B3GALT1: variants seen among roughly 807,000 people sequenced by gnomAD.
B3GALT1 encodes UDP-Gal:betaGlcNAc beta 1,3-galactosyltransferase, polypeptide 1.
B3GALT1 carries 10 observed loss-of-function variants against 23.2 expected under a neutral mutation model. That is an observed-to-expected ratio of 0.43 (90% CI 0.27 to 0.73). The LOEUF (loss-of-function observed/expected upper bound fraction) is 0.73. B3GALT1 is among the 30% of genes least tolerant of loss of function. The probability of loss-of-function intolerance (pLI) is 0.21; values close to 1 mark genes in which losing one functional copy is unlikely to be tolerated. For synonymous variants in B3GALT1, 156 were observed against 141.5 expected, an observed-to-expected ratio of 1.10 and a Z score of -0.73; for missense variants, 299 against 405.4, an observed-to-expected ratio of 0.74 and a Z score of 2.25.
intron 1 of B3GALT1, among the ~76,000 whole-genome samples, chr2:167,451,836 ACT>A (rs1699096932): frequency 6.6e-6 from 1 of 151,430 alleles, no homozygotes; most frequent in Non-Finnish European, 1.5e-5. Flanking sequence ...CTGAGCTCAG[ACT>A]CTCCTTGGAC....
chr2:167,823,770 A>C (rs77150199), intron 4 of B3GALT1, among the ~76,000 whole-genome samples: 1 of 152,232 alleles, frequency 6.6e-6, no homozygotes. Flanking sequence ...CACACTGCTG[A>C]ATATGCTGTC....
chr2:167,414,341 G>A (rs1250230711), intron 1 of B3GALT1, among the ~76,000 whole-genome samples: 1 of 152,012 alleles, frequency 6.6e-6, no homozygotes, highest in African/African-American at 2.4e-5. Flanking sequence ...ATGTAATTCT[G>A]GCCAAGTGAC....
rs919285937 is a variant in B3GALT1 at position 167,629,242 on chromosome 2, A to G, written c.-409-17667A>G. Among the ~76,000 whole-genome samples the G allele has an allele frequency of 2.6e-5, 4 of 151,800 alleles. No homozygotes were observed. In the South Asian group the frequency reaches 8.3e-4, roughly 31 times the overall value. ...ATGTCTAAGAGATAGGTACATTTTA[A>G]GAGAGGAGCTTTGGTGTAAAAGTCC... On this transcript the variant is annotated intron_variant, in intron 2 of 4. Coordinates refer to ENST00000392690, the MANE Select transcript of B3GALT1 (RefSeq NM_020981.4).
At chr2:167,468,321 C>T (rs568040037) in intron 1 of B3GALT1, among the ~76,000 whole-genome samples, 2 of 152,106 alleles carry the variant, frequency 1.3e-5, no homozygotes, top group Non-Finnish European at 2.9e-5. Flanking sequence ...ATACATAATA[C>T]TCTTTCTCGT....
At chr2:167,794,632 T>C (rs1440172042) in intron 3 of B3GALT1, among the ~76,000 whole-genome samples, 2 of 152,202 alleles carry the variant, frequency 1.3e-5, no homozygotes, top group Non-Finnish European at 2.9e-5. Flanking sequence ...CATAAGGCAT[T>C]AGTAAAGCCC....
chr2:167,422,263 T>C (rs1698559584), intron 1 of B3GALT1, among the ~76,000 whole-genome samples: 1 of 143,322 alleles, frequency 7.0e-6, no homozygotes, highest in Admixed American at 6.9e-5. Context: ...TCTGCCTCTC[T>C]CTGCTATATG....
chr2:167,322,227 A>G (rs1211525116), intron 1 of B3GALT1, among the ~76,000 whole-genome samples: 1 of 151,906 alleles, frequency 6.6e-6, no homozygotes. Flanking sequence ...TGTTAAAGGG[A>G]TTATTCTGAT....
At chr2:167,631,304 A>G (rs912530772) in intron 2 of B3GALT1, among the ~76,000 whole-genome samples, 1 of 151,898 alleles carries the variant, frequency 6.6e-6, no homozygotes, top group Non-Finnish European at 1.5e-5. Flanking sequence ...TGATCAGGAC[A>G]AAACACCTGG....
chr2:167,616,093 G>C (rs1685156925), intron 2 of B3GALT1, among the ~76,000 whole-genome samples: 2 of 139,978 alleles, frequency 1.4e-5, no homozygotes, highest in South Asian at 4.7e-4. Context: ...AAAAGAAGAA[G>C]GGAATACTTT....
At chr2:167,654,998 G>A (rs1322727466) in intron 3 of B3GALT1, among the ~76,000 whole-genome samples, 5 of 151,942 alleles carry the variant, frequency 3.3e-5, no homozygotes, top group African/African-American at 1.2e-4. Flanking sequence ...TGGAGGTAAG[G>A]GGAATTGATT....
chr2:167,858,325 CT>C (rs1479175781), intron 4 of B3GALT1, among the ~76,000 whole-genome samples: 68 of 123,958 alleles, frequency 5.5e-4, no homozygotes, highest in African/African-American at 2.0e-3. Flanking sequence ...TTTTGTTTTT[CT>C]TTTGAACAAG....
chr2:167,606,805 A>G (rs893478375), intron 2 of B3GALT1, among the ~76,000 whole-genome samples: 4 of 152,214 alleles, frequency 2.6e-5, no homozygotes, highest in African/African-American at 9.6e-5. Context: ...GGATGGGTAG[A>G]CTTCTTTACA....
intron 1 of B3GALT1, among the ~76,000 whole-genome samples, chr2:167,297,590 A>G (rs547728474): frequency 1.3e-5 from 2 of 152,116 alleles, no homozygotes; most frequent in Non-Finnish European, 2.9e-5. Flanking sequence ...AATTTTACCT[A>G]GATCCCAGGT....
intron 3 of B3GALT1, among the ~76,000 whole-genome samples, chr2:167,647,314 C>A (rs1435001699): frequency 6.6e-6 from 1 of 152,152 alleles, no homozygotes; most frequent in African/African-American, 2.4e-5. Context: ...CAGCACCAAG[C>A]TGAGCATGAA....
In B3GALT1 at chr2:167,348,024, C is replaced by T. The variant is rs528134114; in HGVS notation, c.-511+54690C>T. Among the ~76,000 whole-genome samples the T allele has an allele frequency of 5.3e-5, 8 of 152,224 alleles. No individual in the cohort carries two copies. The South Asian group carries it at 1.0e-3, about 20-fold the overall frequency. The stretch of plus-strand genomic sequence containing the variant: ...GTCCAAAACTTATTTACTGTGTGAC[C>T]TTGGGCATTTCTGAATCTTTGTTTC... On this transcript the variant is annotated intron_variant, in intron 1 of 4. Coordinates refer to ENST00000392690, the MANE Select transcript of B3GALT1 (RefSeq NM_020981.4).
intron 2 of B3GALT1, among the ~76,000 whole-genome samples, chr2:167,490,495 G>A (rs995130627): frequency 6.6e-6 from 1 of 151,942 alleles, no homozygotes; most frequent in African/African-American, 2.4e-5. Flanking sequence ...GTAGAAACAA[G>A]AGTAATTGCA....
chr2:167,431,398 C>A (rs1698702324), intron 1 of B3GALT1, among the ~76,000 whole-genome samples: 1 of 152,106 alleles, frequency 6.6e-6, no homozygotes, highest in Non-Finnish European at 1.5e-5. Context: ...AATACAACTT[C>A]TTGATGAATT....
intron 4 of B3GALT1, among the ~76,000 whole-genome samples, chr2:167,851,741 T>C (rs1338505764): frequency 6.6e-6 from 1 of 152,218 alleles, no homozygotes; most frequent in Non-Finnish European, 1.5e-5. Context: ...AAGTAGAAGA[T>C]AAATAATAAT....
At chr2:167,383,223 G>T (rs1697868619) in intron 1 of B3GALT1, among the ~76,000 whole-genome samples, 1 of 149,154 alleles carries the variant, frequency 6.7e-6, no homozygotes, top group Admixed American at 6.7e-5. Flanking sequence ...AGTTTATTTG[G>T]TAACCTCTTT....
Sources: gnomAD v4.1 joint callset for allele counts (sites outside exome capture counted in the v4.1 genomes callset) on GRCh38, gnomAD v4.1.1 for gene constraint, MANE v1.5 for transcripts, NCBI Gene and HGNC (gene_info 2026-07-23, HGNC 2026-07-21) for gene names.